The following IGSF11 variants were observed in gnomAD, a reference collection of about 807,000 sequenced individuals.
The protein encoded by IGSF11 is CXADR like 1.
IGSF11 carries 22 observed loss-of-function variants against 41.0 expected under a neutral mutation model. The ratio of observed to expected loss-of-function variants is 0.54; its 90% CI spans 0.38 to 0.77. IGSF11 has a LOEUF of 0.77. IGSF11 is among the 30% of genes least tolerant of loss of function. The probability of loss-of-function intolerance (pLI) is 0.00; values close to 1 mark genes in which losing one functional copy is unlikely to be tolerated. For missense variants in IGSF11, 444 were observed against 530.8 expected (o/e 0.84, Z 1.61); for synonymous variants, 219 against 201.3 (o/e 1.09, Z -0.74).
chr3:119,028,452 C>A (rs1409568454), intron 1 of IGSF11, among the ~76,000 whole-genome samples: 4 of 152,272 alleles, frequency 2.6e-5, no homozygotes, highest in Admixed American at 2.6e-4. Context: ...TATCTCTCTT[C>A]TTGGGAGACT....
In IGSF11 at chr3:118,926,260, T is replaced by C. The variant is rs2107526169; in HGVS notation, c.425-4A>G. 1.3e-6 allele frequency: 2 copies of C among 1,578,632 alleles called. No individual in the cohort carries two copies. Among genetic ancestry groups the C allele is most frequent in the Non-Finnish European group, 1.7e-6 (2 of 1,157,706 alleles). On this transcript the variant is annotated splice_region_variant and splice_polypyrimidine_tract_variant and intron_variant, in intron 3 of 6. Transcript: ENST00000393775. ...CAGTGTGGGGCAGAAGGGGGAACTA[T>C]AACAGGAAGAATAAGCAATAAAGTA...
intron 1 of IGSF11, among the ~76,000 whole-genome samples, chr3:119,080,912 A>C (rs1354412996): frequency 6.6e-6 from 1 of 152,160 alleles, no homozygotes; most frequent in Admixed American, 6.5e-5. Flanking sequence ...TAATATATTA[A>C]TGAATTTCCT....
At chr3:118,927,949 C>A (rs944110437) in intron 3 of IGSF11, among the ~76,000 whole-genome samples, 1 of 151,906 alleles carries the variant, frequency 6.6e-6, no homozygotes, top group African/African-American at 2.4e-5. Context: ...TCTATGCAAT[C>A]TGGGGAAAAA....
Position 118,933,468 on chromosome 3 carries a change from T to TA in IGSF11, c.53-3194_53-3193insT, listed in dbSNP as rs1553754808. On this transcript the variant is annotated intron_variant, in intron 1 of 6. Coordinates refer to ENST00000393775, the MANE Select transcript of IGSF11 (RefSeq NM_001015887.3). ...GCTCTCTCTACATATAACATGTATTTTTTATATATATATATATATATACAC... is the reference window on the plus strand; with the variant it reads ...GCTCTCTCTACATATAACATGTATTTATTTATATATATATATATATATACAC... Among the ~76,000 whole-genome samples the TA allele has an allele frequency of 1.4e-3, 158 of 111,480 alleles. 1 individual carries two copies. The highest frequency in any genetic ancestry group is 3.2e-3 in the African/African-American group (61 of 19,310). The allele number at this position is 111,480 out of a possible 152,430, so 73.1% of individuals were successfully genotyped here. A position where few individuals can be genotyped will look rare whatever the true frequency, so the allele number is the denominator to read the frequency against.
chr3:119,058,620 C>T (rs1371401925), intron 1 of IGSF11, among the ~76,000 whole-genome samples: 1 of 152,210 alleles, frequency 6.6e-6, no homozygotes, highest in Non-Finnish European at 1.5e-5. Flanking sequence ...CATCCCATTG[C>T]TGGGTATGTA....
chr3:119,078,389 G>A (rs947142205), intron 1 of IGSF11, among the ~76,000 whole-genome samples: 2 of 152,148 alleles, frequency 1.3e-5, no homozygotes, highest in African/African-American at 4.8e-5. Flanking sequence ...CAATGGGACA[G>A]GTTAGAGAAC....
At chr3:119,107,559 T>C (rs1375613437), upstream of IGSF11, among the ~76,000 whole-genome samples, 36 of 152,210 alleles carry the variant, frequency 2.4e-4, no homozygotes, top group African/African-American at 8.2e-4. Flanking sequence ...CTGATGGTAG[T>C]TTCTTTTGCT....
intron 1 of IGSF11, among the ~76,000 whole-genome samples, chr3:119,025,440 A>G (rs1165885071): frequency 6.6e-6 from 1 of 151,328 alleles, no homozygotes; most frequent in East Asian, 2.0e-4. Context: ...TGTAACAGTA[A>G]CTGCCACTAA....
In IGSF11 at chr3:118,928,600, C is replaced by A; in HGVS notation, c.333G>T (p.Gln111His). Residue 111 changes from glutamine (Q) to histidine (H), a missense_variant, in exon 3 of 7, where the codon CAG (glutamine) becomes CAT (histidine). By Grantham distance (24) the Gln-to-His change is conservative. This residue lies in a region of IGSF11 where 193 missense variants were observed against 283.5 expected (regional missense o/e 0.68). Coordinates refer to ENST00000393775, the MANE Select transcript of IGSF11 (RefSeq NM_001015887.3). ...TNVSIFINNTQLSDTGTYQCL... is the reference protein window; with the variant it reads ...TNVSIFINNTHLSDTGTYQCL... ...ACTGGTAGGTGCCAGTGTCTGATAA[C>A]TGAGTGTTATTAATGAAGATAGAGA... 1 of 1,614,042 alleles carries A rather than the reference C, an allele frequency of 6.2e-7. No individual in the cohort carries two copies. Among genetic ancestry groups the A allele is most frequent in the Non-Finnish European group, 8.5e-7 (1 of 1,179,972 alleles).
chr3:118,970,101 G>T (rs954199052), intron 1 of IGSF11, among the ~76,000 whole-genome samples: 1 of 152,154 alleles, frequency 6.6e-6, no homozygotes, highest in Non-Finnish European at 1.5e-5. Context: ...GGGCACAGGG[G>T]ATCTGCATGC....
intron 1 of IGSF11, among the ~76,000 whole-genome samples, chr3:118,964,798 A>T (rs994866833): frequency 6.6e-6 from 1 of 152,184 alleles, no homozygotes; most frequent in African/African-American, 2.4e-5. Flanking sequence ...ACCAAATCTA[A>T]CATAAAAGAA....
In IGSF11 at chr3:118,905,527, A is replaced by G. The variant is rs566356905; in HGVS notation, c.703+69T>C. On this transcript the variant is annotated intron_variant, in intron 5 of 6. Coordinates refer to ENST00000393775, the MANE Select transcript of IGSF11 (RefSeq NM_001015887.3). ...TTAAGACAATTCAGCAGAACCCTTCATTTTCTGGTATAACAAAGATCTTAG... is the reference window on the plus strand; with the variant it reads ...TTAAGACAATTCAGCAGAACCCTTCGTTTTCTGGTATAACAAAGATCTTAG... 4.9e-5 allele frequency: 76 copies of G among 1,548,154 alleles called. No homozygotes were observed. The African/African-American group carries it at 1.0e-3, about 20-fold the overall frequency.
In IGSF11 at chr3:119,049,184, A is replaced by G. The variant is rs1198732693; in HGVS notation, c.49+55960T>C. Among the ~76,000 whole-genome samples, 4 of 151,636 alleles carry G rather than the reference A, an allele frequency of 2.6e-5. No homozygotes were observed. The South Asian group carries it at 6.3e-4, about 24-fold the overall frequency. On this transcript the variant is annotated intron_variant, in intron 1 of 6. Transcript: ENST00000354673. ...AGGAGAAGGAAATAAAGGGTATTCA[A>G]TTAGGAAAAGAGGAAGTCAAATTGT...
chr3:119,108,019 T>C (rs1319063627), upstream of IGSF11, among the ~76,000 whole-genome samples: 6 of 148,370 alleles, frequency 4.0e-5, no homozygotes, highest in Non-Finnish European at 7.5e-5. Context: ...AGTCAGGTAG[T>C]GTGATGCCTC....
At chr3:118,915,223 T>C (rs57164647) in intron 4 of IGSF11, among the ~76,000 whole-genome samples, 22,402 of 132,162 alleles carry the variant, frequency 0.17, 3,916 homozygotes, top group African/African-American at 0.44. Context: ...AGGAACACAG[T>C]TCCTCACCAG....
intron 1 of IGSF11, among the ~76,000 whole-genome samples, chr3:119,012,114 C>T (rs1375126294): frequency 2.0e-5 from 3 of 152,028 alleles, no homozygotes; most frequent in Non-Finnish European, 4.4e-5. Context: ...AGGGTCCATT[C>T]CCAGGAAGCA....
At chr3:118,991,832 AT>A (rs1278447920) in intron 1 of IGSF11, among the ~76,000 whole-genome samples, 1 of 152,236 alleles carries the variant, frequency 6.6e-6, no homozygotes, top group Non-Finnish European at 1.5e-5. Flanking sequence ...AGATCTAATT[AT>A]CCACAAGGTC....
intron 1 of IGSF11, among the ~76,000 whole-genome samples, chr3:119,094,765 AGG>A (rs2076822778): frequency 6.6e-6 from 1 of 150,416 alleles, no homozygotes; most frequent in Admixed American, 6.6e-5. Flanking sequence ...TCCGCCTCCC[AGG>A]TTCAAGCCAT....
chr3:119,035,161 TGTCGGCC>T (rs1940831790), upstream of IGSF11, among the ~76,000 whole-genome samples: 1 of 152,224 alleles, frequency 6.6e-6, no homozygotes, highest in African/African-American at 2.4e-5. Flanking sequence ...AAACAGGTGG[TGTCGGCC>T]TGATGCATCC....
Sources: allele counts gnomAD v4.1 joint callset (sites outside exome capture counted in the v4.1 genomes callset), GRCh38; gene constraint gnomAD v4.1.1; regional missense constraint gnomAD v4.1.1; transcripts MANE v1.5; gene names NCBI Gene and HGNC (gene_info 2026-07-23, HGNC 2026-07-21).